The following LYST variants were observed in gnomAD, a reference collection of about 807,000 sequenced individuals.
LYST encodes lysosomal-trafficking regulator.
A neutral mutation model predicts 413.6 loss-of-function variants in LYST; 192 were observed. That is an observed-to-expected ratio of 0.46 (90% CI 0.41 to 0.52). LYST has a LOEUF of 0.52. Ranked by LOEUF, LYST falls within the 20% of genes least tolerant of loss-of-function variation. LYST has a pLI of 0.00. For missense variants in LYST, 3,815 were observed against 4,499.9 expected, an observed-to-expected ratio of 0.85 and a Z score of 4.35; for synonymous variants, 1,525 against 1,567.3, an observed-to-expected ratio of 0.97 and a Z score of 0.64.
chr1:235,779,169 G>C (rs534396078), intron 16 of LYST, among the ~76,000 whole-genome samples: 1 of 152,102 alleles, frequency 6.6e-6, no homozygotes, highest in African/African-American at 2.4e-5. Flanking sequence ...GCCTGGCCGA[G>C]GGTACCACTT....
chr1:235,708,123 T>G (rs1178765574), intron 44 of LYST, among the ~76,000 whole-genome samples: 1 of 152,152 alleles, frequency 6.6e-6, no homozygotes, highest in Non-Finnish European at 1.5e-5. Flanking sequence ...ATTATCTTAT[T>G]TAGGGAGAAG....
chr1:235,800,192 C>G, intron 10 of LYST, 128 bp downstream of exon 10: 1 of 662,258 alleles, frequency 1.5e-6, no homozygotes, highest in Non-Finnish European at 2.8e-6. Flanking sequence ...AGTGATCCGC[C>G]TGCCACCTCA....
chr1:235,734,356 AAAAAT>A (rs1412435613), intron 32 of LYST, 122 bp downstream of exon 32: 31 of 828,976 alleles, frequency 3.7e-5, no homozygotes, highest in Middle Eastern at 2.6e-4. Flanking sequence ...AGTATATAGG[AAAAAT>A]AAAATAAAAT....
In LYST at chr1:235,741,581, C is replaced by A; in HGVS notation, c.8199G>T (p.Leu2733=). The A allele has an allele frequency of 1.2e-6, 2 of 1,614,098 alleles. No homozygotes were observed. Among genetic ancestry groups the A allele is most frequent in the East Asian group, 4.5e-5 (2 of 44,870 alleles). ...SGSKQQWTKI[L]WSCKETFRMQ... ...TTCGGAAGGTCTCCTTACAAGACCA[C>A]AGAATTTTAGTCCATTGCTGCTTGG... Residue 2733 remains leucine (L), a synonymous_variant, in exon 31 of 53, where the codon CTG becomes CTT. Transcript: ENST00000389793.
chr1:235,875,198 G>T (rs954223239), intron 1 of LYST, among the ~76,000 whole-genome samples: 2 of 152,214 alleles, frequency 1.3e-5, no homozygotes, highest in Non-Finnish European at 2.9e-5. Flanking sequence ...ATTCAGGGAG[G>T]CTGAGAATGA....
chr1:235,779,893 T>G (rs201369759), intron 16 of LYST, among the ~76,000 whole-genome samples: 4 of 152,084 alleles, frequency 2.6e-5, no homozygotes, highest in Non-Finnish European at 5.9e-5. Context: ...AGGAACCCAG[T>G]TTCATGGCCA....
rs1335874945 is a variant in LYST at position 235,788,840 on chromosome 1, C to T, written c.4549G>A (p.Asp1517Asn). Residue 1517 changes from aspartate to asparagine, a missense_variant, in exon 13 of 53, where the codon GAC becomes AAC. Asp to Asn is a conservative substitution (Grantham distance 23). Around this residue, in one of 4 missense-constraint regions of LYST, gnomAD observed 1,648 missense variants for 1,810.3 expected, o/e 0.91. Coordinates refer to ENST00000389793, the MANE Select transcript of LYST (RefSeq NM_000081.4). Reference sequence around the variant, plus strand: ...ATGTACTCTGCACCTTCTGGTCTGTCGCTCTCTATAAGAAAAAGATGTTAG... The same window carrying T: ...ATGTACTCTGCACCTTCTGGTCTGTTGCTCTCTATAAGAAAAAGATGTTAG... ...PDSSFDGTESDRPEGAEYINP... is the reference protein window; with the variant it reads ...PDSSFDGTESNRPEGAEYINP... The T allele has an allele frequency of 6.8e-6, 11 of 1,613,432 alleles. No individual in the cohort carries two copies. The highest frequency in any genetic ancestry group is 3.3e-4 in the Middle Eastern group (2 of 6,048).
chr1:235,784,694 A>C lies in LYST; in HGVS notation c.4862+2506T>G, dbSNP rs911278109. ...GAGGATTAAATCAGGTAATCTGTAT[A>C]AAGTGCCTAATACAGTGCCTGGCAC... On this transcript the variant is annotated intron_variant, in intron 14 of 52. Transcript: ENST00000389793. Among the ~76,000 whole-genome samples, 9 of 152,214 alleles carry C rather than the reference A, an allele frequency of 5.9e-5. 1 individual carries two copies. Among genetic ancestry groups the C allele is most frequent in the African/African-American group, 2.2e-4 (9 of 41,458 alleles).
In LYST at chr1:235,729,655, ACT is replaced by A. The variant is rs1190880343; in HGVS notation, c.9045_9046del (p.Arg3015SerfsTer12). The A allele has an allele frequency of 6.2e-7, 1 of 1,602,120 alleles. No homozygotes were observed. The highest frequency in any genetic ancestry group is 1.3e-5 in the African/African-American group (1 of 74,694). On this transcript the variant is annotated frameshift_variant and splice_region_variant, in exon 37 of 53. Transcript: ENST00000389793. LOFTEE classifies it high-confidence loss of function. ...TGCAACACTGATGCATCTTCGATTC[ACT>A]CTGTCAAAACATATTTAAAATTACT...
At chr1:235,797,996 C>G in intron 10 of LYST, among the ~76,000 whole-genome samples, 1 of 152,164 alleles carries the variant, frequency 6.6e-6, no homozygotes, top group South Asian at 2.1e-4. Context: ...ACAAGATATA[C>G]GAATGGCCAA....
intron 31 of LYST, 52 bp downstream of exon 31, chr1:235,741,370 C>T: frequency 2.2e-6 from 3 of 1,390,096 alleles, no homozygotes; most frequent in South Asian, 2.3e-5. Flanking sequence ...TTTATTCAGA[C>T]TTTGTATTTC....
chr1:235,684,782 C>G (rs1484825483), intron 48 of LYST, among the ~76,000 whole-genome samples: 1 of 151,878 alleles, frequency 6.6e-6, no homozygotes, highest in South Asian at 2.1e-4. Context: ...CCATGCCTGA[C>G]CAATTTTTTT....
At position 235,781,930 on chromosome 1, in the gene LYST, T is replaced by C. The variant is rs752075448; in HGVS notation, c.5020A>G (p.Asn1674Asp). The change falls in exon 15 of 53, where the codon AAC becomes GAC. Residue 1674 changes from asparagine to aspartate, a missense_variant. By Grantham distance (23) the Asn-to-Asp change is conservative. Transcript: ENST00000389793. Reference sequence around the variant, plus strand: ...GGTGCAATCATAGCTCACTCACCGTTGAAGAGAAGCAAATTTCCCAGGTCC... The same window carrying C: ...GGTGCAATCATAGCTCACTCACCGTCGAAGAGAAGCAAATTTCCCAGGTCC... The part of the protein sequence containing the change: ...KWDLGNLLLF[N>D]GAKVGSQEAF... 2.2e-5 allele frequency: 35 copies of C among 1,609,124 alleles called. No homozygotes were observed. Among genetic ancestry groups the C allele is most frequent in the Non-Finnish European group, 2.8e-5 (33 of 1,175,678 alleles).
intron 1 of LYST, among the ~76,000 whole-genome samples, chr1:235,875,938 G>C (rs1431869104): frequency 1.3e-5 from 2 of 152,164 alleles, no homozygotes; most frequent in East Asian, 3.9e-4. Context: ...GCTTTTTCTT[G>C]GCCGGGCATA....
At chr1:235,680,157 T>G (rs2103042082) in intron 48 of LYST, among the ~76,000 whole-genome samples, 1 of 152,226 alleles carries the variant, frequency 6.6e-6, no homozygotes, top group South Asian at 2.1e-4. Flanking sequence ...ATATATATTT[T>G]ATCCACTCTT....
chr1:235,780,919 T>C lies in LYST; in HGVS notation c.5160A>G (p.Glu1720=). 6.3e-7 allele frequency: 1 copy of C among 1,590,684 alleles called. No individual in the cohort carries two copies. The highest frequency in any genetic ancestry group is 8.6e-7 in the Non-Finnish European group (1 of 1,163,576). The part of the protein sequence containing the change: ...KYINKEILRC[E]QIRELFMTKK... ...TGGTCATAAAAAGTTCTCTGATTTG[T>C]TCACATCGCAAAATTTCTTTATTAA... The change falls in exon 16 of 53, where the codon GAA becomes GAG. Residue 1720 remains glutamate, a synonymous_variant. Transcript: ENST00000389793.
chr1:235,849,137 A>C (rs2103087949), intron 1 of LYST, among the ~76,000 whole-genome samples: 1 of 152,312 alleles, frequency 6.6e-6, no homozygotes, highest in East Asian at 1.9e-4. Flanking sequence ...TAGCTAACCA[A>C]ATCCAAGAAC....
chr1:235,687,078 T>G lies in LYST; in HGVS notation c.10702-31A>C, dbSNP rs1378647027. On this transcript the variant is annotated intron_variant, in intron 47 of 52. Coordinates refer to ENST00000389793, the MANE Select transcript of LYST (RefSeq NM_000081.4). The stretch of plus-strand genomic sequence containing the variant: ...AAAAAGGACCAATCAAAGATTATCA[T>G]GTTTTAAAAGAATGAAACTTAAAGT... 5.0e-6 allele frequency: 7 copies of G among 1,410,282 alleles called. No individual in the cohort carries two copies. In the Admixed American group the frequency reaches 1.2e-4, roughly 24 times the overall value. The allele number at this position is 1,410,282 out of a possible 1,614,324, so 87.4% of individuals were successfully genotyped here.
In LYST at chr1:235,780,818, C is replaced by T. The variant is rs902476783; in HGVS notation, c.5214+47G>A. On this transcript the variant is annotated intron_variant, in intron 16 of 52. Coordinates refer to ENST00000389793, the MANE Select transcript of LYST (RefSeq NM_000081.4). ...TAACTATACATTACAATAAATATAC[C>T]TAAATACATTTACTATAAAATTAAA... 7.4e-5 allele frequency: 56 copies of T among 752,286 alleles called. 1 individual carries two copies. The highest frequency in any genetic ancestry group is 1.0e-5 in the Non-Finnish European group (5 of 477,640). The allele number at this position is 752,286 out of a possible 1,614,324, so 46.6% of individuals were successfully genotyped here.
Sources: gnomAD v4.1 joint callset for allele counts (sites outside exome capture counted in the v4.1 genomes callset) on GRCh38, gnomAD v4.1.1 for gene constraint, gnomAD v4.1.1 regional missense constraint, MANE v1.5 for transcripts, NCBI Gene and HGNC (gene_info 2026-07-23, HGNC 2026-07-21) for gene names.